KALRN: variants seen among roughly 807,000 people sequenced by gnomAD.
The protein encoded by KALRN is kalirin.
KALRN carries 70 observed loss-of-function variants against 353.7 expected under a neutral mutation model. The observed-to-expected ratio is 0.20, with a 90% CI of 0.16 to 0.24. The LOEUF (loss-of-function observed/expected upper bound fraction) is 0.24, where lower values mean the gene tolerates loss of function less well. Among genes scored for constraint, KALRN ranks in the 10% least tolerant of loss-of-function variants. KALRN has a pLI of 1.00. For synonymous variants in KALRN, 1,391 were observed against 1,434.8 expected (o/e 0.97, Z 0.69); for missense variants, 2,791 against 3,756.7 (o/e 0.74, Z 6.72).
chr3:124,253,924 C>T lies in KALRN; in HGVS notation c.264-10574C>T, dbSNP rs74431746. 0.036 allele frequency among the ~76,000 whole-genome samples: 5,457 copies of T among 152,320 alleles called. 668 individuals are homozygous for T. In the East Asian group the frequency reaches 0.44, roughly 12 times the overall value. ...TGCTTGTTATGGGTCTCTGCTTCCC[C>T]ACCTGCCATCAGAATGGATCAATGT... is the stretch of plus-strand genomic sequence containing the variant. On this transcript the variant is annotated intron_variant, in intron 3 of 59. Coordinates refer to ENST00000682506, the MANE Select transcript of KALRN (RefSeq NM_001388419.1).
intron 51 of KALRN, among the ~76,000 whole-genome samples, chr3:124,692,183 G>T (rs2150579390): frequency 6.6e-6 from 1 of 152,362 alleles, no homozygotes; most frequent in South Asian, 2.1e-4. Context: ...TTTTAAGGCT[G>T]CCCAGGTCAG....
chr3:124,482,540 T>C (rs550172456), intron 27 of KALRN, among the ~76,000 whole-genome samples: 1 of 152,292 alleles, frequency 6.6e-6, no homozygotes, highest in South Asian at 2.1e-4. Context: ...TTTTTCTCCA[T>C]TTTTGCTCAA....
chr3:124,185,781 C>T (rs1409147790), intron 1 of KALRN, among the ~76,000 whole-genome samples: 1 of 152,158 alleles, frequency 6.6e-6, no homozygotes, highest in Non-Finnish European at 1.5e-5. Context: ...CTGAGGTAGA[C>T]CAAGGCCACT....
chr3:124,553,551 G>A (rs537333785), intron 33 of KALRN, among the ~76,000 whole-genome samples: 6 of 152,362 alleles, frequency 3.9e-5, no homozygotes, highest in East Asian at 1.9e-4. Context: ...AGAGAAGCCC[G>A]TAACTTCTTC....
At chr3:124,398,628 C>T in intron 12 of KALRN, 69 bp from the exon 13 acceptor site, 1 of 1,461,266 alleles carries the variant, frequency 6.8e-7, no homozygotes, top group Non-Finnish European at 9.6e-7. Context: ...AGGAAGATCC[C>T]CCTCCTCCTC....
intron 9 of KALRN, 33 bp from the exon 10 acceptor site, chr3:124,347,110 A>G: frequency 6.2e-7 from 1 of 1,613,466 alleles, no homozygotes; most frequent in Non-Finnish European, 8.5e-7. Context: ...TTCTGCTAGA[A>G]AGTCATTGTT....
chr3:124,051,007 T>A (rs2040981640), intron 1 of KALRN, among the ~76,000 whole-genome samples: 1 of 152,212 alleles, frequency 6.6e-6, no homozygotes, highest in Non-Finnish European at 1.5e-5. Context: ...TAAAAAGTAT[T>A]ACCCTAGTTA....
intron 57 of KALRN, among the ~76,000 whole-genome samples, chr3:124,702,719 T>C (rs1268138997): frequency 1.3e-5 from 2 of 152,158 alleles, no homozygotes; most frequent in African/African-American, 4.8e-5. Context: ...ATTGCCCGTG[T>C]ACCAAGCACA....
At chr3:124,222,489 G>A (rs553388997) in intron 1 of KALRN, among the ~76,000 whole-genome samples, 1 of 152,204 alleles carries the variant, frequency 6.6e-6, no homozygotes, top group African/African-American at 2.4e-5. Flanking sequence ...CCAGGCTACA[G>A]CATGCTTTTC....
intron 1 of KALRN, among the ~76,000 whole-genome samples, chr3:124,227,661 C>CTTTTTTT (rs2078679473): frequency 1.3e-5 from 1 of 76,138 alleles, no homozygotes; most frequent in Non-Finnish European, 2.6e-5. Context: ...AGCAACAGGG[C>CTTTTTTT]TGTTTTTTTT....
At chr3:124,445,958 C>A (rs1272372981) in intron 19 of KALRN, among the ~76,000 whole-genome samples, 1 of 152,216 alleles carries the variant, frequency 6.6e-6, no homozygotes, top group East Asian at 1.9e-4. Flanking sequence ...GGGCTCTCCC[C>A]CTAGACTCCT....
chr3:124,446,337 C>A, intron 20 of KALRN, 61 bp downstream of exon 20: 3 of 1,249,322 alleles, frequency 2.4e-6, no homozygotes, highest in South Asian at 1.3e-5. Flanking sequence ...GGCCCATCAC[C>A]AAGGCTTAGT....
chr3:124,620,046 A>C (rs1340413092), intron 34 of KALRN, among the ~76,000 whole-genome samples: 3 of 151,156 alleles, frequency 2.0e-5, no homozygotes, highest in African/African-American at 7.3e-5. Context: ...CTTCAGTCTG[A>C]ATTTGTAAAG....
intron 1 of KALRN, among the ~76,000 whole-genome samples, chr3:124,112,862 A>T (rs1274137961): frequency 6.6e-6 from 1 of 152,136 alleles, no homozygotes; most frequent in Non-Finnish European, 1.5e-5. Flanking sequence ...CAAGTAGGGT[A>T]AAAGTGAATT....
At chr3:124,685,829 G>A (rs3755700) in intron 51 of KALRN, among the ~76,000 whole-genome samples, 2 of 152,242 alleles carry the variant, frequency 1.3e-5, no homozygotes, top group East Asian at 3.9e-4. Context: ...TAGACTGGGG[G>A]CCTAACCCGT....
chr3:124,065,855 A>G (rs2042312789), intron 1 of KALRN, among the ~76,000 whole-genome samples: 1 of 152,200 alleles, frequency 6.6e-6, no homozygotes, highest in African/African-American at 2.4e-5. Flanking sequence ...TTTTATTATT[A>G]TTACTAAAAA....
At chr3:124,665,294 G>A (rs780518230) in intron 45 of KALRN, among the ~76,000 whole-genome samples, 6 of 152,158 alleles carry the variant, frequency 3.9e-5, no homozygotes, top group Non-Finnish European at 8.8e-5. Flanking sequence ...CAGAGTCTGG[G>A]AAGACTTTCT....
intron 31 of KALRN, among the ~76,000 whole-genome samples, chr3:124,491,938 G>A (rs545544360): frequency 6.6e-6 from 1 of 152,238 alleles, no homozygotes; most frequent in African/African-American, 2.4e-5. Context: ...CCATGCTGAT[G>A]GAGAGAAATG....
At chr3:124,642,806 G>GTTGTTGTTT (rs796628603) in intron 37 of KALRN, among the ~76,000 whole-genome samples, 1 of 96,840 alleles carries the variant, frequency 1.0e-5, no homozygotes, top group African/African-American at 4.5e-5. Flanking sequence ...CCCAAGCCTC[G>GTTGTTGTTT]TTTTTTTTTT....
Sources: allele counts gnomAD v4.1 joint callset (sites outside exome capture counted in the v4.1 genomes callset), GRCh38; gene constraint gnomAD v4.1.1; transcripts MANE v1.5; gene names NCBI Gene and HGNC (gene_info 2026-07-23, HGNC 2026-07-21).